The following PTPRN2 variants were observed in gnomAD, a reference collection of about 807,000 sequenced individuals.
PTPRN2 encodes protein tyrosine phosphatase receptor type N2.
Under a neutral mutation model 118.8 loss-of-function variants are expected in PTPRN2, and 74 were observed. That is an observed-to-expected ratio of 0.62 (90% CI 0.52 to 0.76). The LOEUF (loss-of-function observed/expected upper bound fraction) is 0.76. PTPRN2 is among the 30% of genes least tolerant of loss of function. PTPRN2 has a pLI of 0.00. For missense variants in PTPRN2, 1,481 were observed against 1,394.4 expected (o/e 1.06, Z -0.99); for synonymous variants, 641 against 608.0 (o/e 1.05, Z -0.80).
intron 12 of PTPRN2, among the ~76,000 whole-genome samples, chr7:157,749,843 G>C (rs1451424368): frequency 7.5e-6 from 1 of 133,428 alleles, no homozygotes; most frequent in Non-Finnish European, 1.5e-5. Flanking sequence ...TCCCTGAGCT[G>C]TGGGCTGTTG....
chr7:157,827,805 T>C (rs1372145536), intron 12 of PTPRN2, among the ~76,000 whole-genome samples: 1 of 152,214 alleles, frequency 6.6e-6, no homozygotes, highest in Non-Finnish European at 1.5e-5. Flanking sequence ...TCGCCGGCTG[T>C]GATGCTTTGA....
At chr7:157,730,423 C>T (rs560448264) in intron 12 of PTPRN2, among the ~76,000 whole-genome samples, 111 of 152,312 alleles carry the variant, frequency 7.3e-4, no homozygotes, top group African/African-American at 2.5e-3. Context: ...TTGAAAGCAG[C>T]TTAAGCCCCT....
rs201538046 is a variant in PTPRN2, at chr7:158,491,497, AT to A, written c.113-1713del. On this transcript the variant is annotated intron_variant, in intron 1 of 22. Transcript: ENST00000389418. ...GAAATAACAATCTCATGAAAAACAG[AT>A]TTTTTTTTTTGATGGAGTCTTGCTC... is the stretch of plus-strand genomic sequence containing the variant. Among the ~76,000 whole-genome samples, 390 of 148,746 alleles carry A rather than the reference AT, an allele frequency of 2.6e-3. 8 individuals carry two copies. In the East Asian group the frequency reaches 0.034, roughly 13 times the overall value.
chr7:157,643,833 G>A (rs1177957203), intron 14 of PTPRN2, among the ~76,000 whole-genome samples: 1 of 152,226 alleles, frequency 6.6e-6, no homozygotes, highest in Non-Finnish European at 1.5e-5. Flanking sequence ...TCGAAGGTTC[G>A]TCACCAACTC....
intron 12 of PTPRN2, among the ~76,000 whole-genome samples, chr7:157,738,198 A>G (rs751527412): frequency 6.6e-6 from 1 of 152,222 alleles, no homozygotes; most frequent in Non-Finnish European, 1.5e-5. Flanking sequence ...GTACACAATA[A>G]GCTCCACGTG....
At chr7:158,447,952 G>A (rs1384236377) in intron 2 of PTPRN2, among the ~76,000 whole-genome samples, 1 of 152,244 alleles carries the variant, frequency 6.6e-6, no homozygotes, top group East Asian at 1.9e-4. Flanking sequence ...ATGCCAGCAG[G>A]ACACAGGCCC....
At chr7:158,081,881 G>A (rs1344348191) in intron 10 of PTPRN2, among the ~76,000 whole-genome samples, 1 of 152,130 alleles carries the variant, frequency 6.6e-6, no homozygotes, top group Non-Finnish European at 1.5e-5. Context: ...TATCAAAATT[G>A]TTCAAAGCTT....
chr7:158,167,351 C>A, intron 5 of PTPRN2, 60 bp from the exon 6 acceptor site: 1 of 1,521,038 alleles, frequency 6.6e-7, no homozygotes, highest in South Asian at 1.3e-5. Context: ...GCTGGGGGCA[C>A]CAAGATGCCC....
At chr7:158,441,613 G>GTGATAGTGATAGTGA (rs1817249126) in intron 2 of PTPRN2, among the ~76,000 whole-genome samples, 3 of 146,624 alleles carry the variant, frequency 2.0e-5, no homozygotes, top group Admixed American at 6.7e-5. Flanking sequence ...GGTGATGGCA[G>GTGATAGTGATAGTGA]TGGTGGTGGT....
At chr7:157,568,246 G>A (rs374966140) in intron 21 of PTPRN2, among the ~76,000 whole-genome samples, 14 of 152,244 alleles carry the variant, frequency 9.2e-5, no homozygotes, top group African/African-American at 2.4e-4. Flanking sequence ...TCCCCACGCC[G>A]TCTGCGCATG....
At chr7:158,530,235 G>A (rs1003682969) in intron 1 of PTPRN2, among the ~76,000 whole-genome samples, 1 of 152,202 alleles carries the variant, frequency 6.6e-6, no homozygotes, top group Non-Finnish European at 1.5e-5. Context: ...GCAATAAAAA[G>A]CAATGGAAAG....
chr7:158,492,193 A>G (rs1330964556), intron 1 of PTPRN2, among the ~76,000 whole-genome samples: 2 of 152,228 alleles, frequency 1.3e-5, no homozygotes, highest in African/African-American at 4.8e-5. Context: ...GCTGGAGGTT[A>G]GTCCGATGTC....
intron 9 of PTPRN2, among the ~76,000 whole-genome samples, chr7:158,119,701 T>C (rs1031548744): frequency 6.6e-6 from 1 of 152,204 alleles, no homozygotes; most frequent in Admixed American, 6.5e-5. Context: ...ACTACTGTTG[T>C]TAATCTCATA....
chr7:157,662,654 A>T (rs1795948390), intron 13 of PTPRN2, among the ~76,000 whole-genome samples: 1 of 152,118 alleles, frequency 6.6e-6, no homozygotes, highest in Non-Finnish European at 1.5e-5. Context: ...TGGGGCCTGG[A>T]GGTGCGTAAG....
At chr7:158,390,327 C>T (rs1021837242) in intron 2 of PTPRN2, among the ~76,000 whole-genome samples, 10 of 152,238 alleles carry the variant, frequency 6.6e-5, no homozygotes, top group African/African-American at 1.9e-4. Flanking sequence ...GAAGTTATTC[C>T]CATGCAGCGA....
At position 157,611,857 on chromosome 7, in the gene PTPRN2, G is replaced by C. The variant is rs1269847676; in HGVS notation, c.2345-7782C>G. Among the ~76,000 whole-genome samples the C allele has an allele frequency of 6.7e-6, 1 of 149,366 alleles. No homozygotes were observed. The highest frequency in any genetic ancestry group is 1.5e-5 in the Non-Finnish European group (1 of 66,960). ...GTCATGCTGGGGACACGCGGAGGGA[G>C]AGCGCCCGTGTGAAGACGAAGACAG... On this transcript the variant is annotated intron_variant, in intron 15 of 22. Transcript: ENST00000389418. This position sits in a 1 kb window ranked among gnomAD's most constrained non-coding sequence, Gnocchi z 5.9.
chr7:158,126,153 G>A (rs1193825330), intron 9 of PTPRN2, among the ~76,000 whole-genome samples: 5 of 80,554 alleles, frequency 6.2e-5, no homozygotes, highest in South Asian at 5.5e-4. Context: ...CCAGGACAGC[G>A]GGCGGCGGAA....
At chr7:157,588,967 C>G (rs549057420) in intron 17 of PTPRN2, among the ~76,000 whole-genome samples, 1 of 152,206 alleles carries the variant, frequency 6.6e-6, no homozygotes, top group South Asian at 2.1e-4. Context: ...TAAAAGATAC[C>G]TAACATATAA....
intron 14 of PTPRN2, among the ~76,000 whole-genome samples, chr7:157,634,560 G>A (rs899659546): frequency 6.6e-6 from 1 of 152,218 alleles, no homozygotes; most frequent in African/African-American, 2.4e-5. Context: ...AGGCATCCGG[G>A]TGCCTGTGTG....
Sources: allele counts gnomAD v4.1 joint callset (sites outside exome capture counted in the v4.1 genomes callset), GRCh38; gene constraint gnomAD v4.1.1; non-coding constraint Gnocchi (gnomAD v3.1); transcripts MANE v1.5; gene names NCBI Gene and HGNC (gene_info 2026-07-23, HGNC 2026-07-21).